The following ANKRD11 variants were observed in gnomAD, a reference collection of about 807,000 sequenced individuals.
ANKRD11 encodes the protein ankyrin repeat domain 11, also known as ankyrin repeat domain-containing protein 11.
In ANKRD11, 17 loss-of-function variants were observed where a neutral mutation model predicts 195.7. The observed-to-expected ratio is 0.09, with a 90% CI of 0.06 to 0.13. The LOEUF (loss-of-function observed/expected upper bound fraction) is 0.13, where lower values mean the gene tolerates loss of function less well. Ranked by LOEUF, ANKRD11 falls within the 10% of genes least tolerant of loss-of-function variation. The pLI is 1.00. For missense variants in ANKRD11, 3,735 were observed against 3,566.1 expected, an observed-to-expected ratio of 1.05 and a Z score of -1.21; for synonymous variants, 1,953 against 1,528.1, an observed-to-expected ratio of 1.28 and a Z score of -6.49.
intron 2 of ANKRD11, among the ~76,000 whole-genome samples, chr16:89,406,627 G>A (rs1182343943): frequency 5.3e-5 from 8 of 152,206 alleles, no homozygotes; most frequent in Admixed American, 6.5e-5. Context: ...AAGGCCCAGG[G>A]CAGGACATCA....
At chr16:89,469,766 G>A (rs961807961) in intron 1 of ANKRD11, among the ~76,000 whole-genome samples, 5 of 149,472 alleles carry the variant, frequency 3.3e-5, no homozygotes, top group African/African-American at 1.2e-4. Flanking sequence ...GGGCGTGGTG[G>A]CGGGCGCCTG....
chr16:89,480,545 T>C (rs1021582841), intron 1 of ANKRD11, among the ~76,000 whole-genome samples: 6 of 152,296 alleles, frequency 3.9e-5, no homozygotes, highest in African/African-American at 1.2e-4. Context: ...TATCTATTAA[T>C]ATGTGCATAG....
At chr16:89,458,408 T>G (rs945085418) in intron 1 of ANKRD11, among the ~76,000 whole-genome samples, 4 of 152,074 alleles carry the variant, frequency 2.6e-5, no homozygotes, top group African/African-American at 9.7e-5. Context: ...GTATTTTTAG[T>G]AGAGACGGGG....
intron 4 of ANKRD11, among the ~76,000 whole-genome samples, chr16:89,294,810 G>C (rs143624959): frequency 2.8e-4 from 42 of 152,320 alleles, no homozygotes; most frequent in African/African-American, 9.4e-4. Context: ...GGATGACCTG[G>C]AGCCGTGTGC....
intron 2 of ANKRD11, among the ~76,000 whole-genome samples, chr16:89,333,057 G>A (rs1004053895): frequency 3.3e-5 from 5 of 152,116 alleles, no homozygotes; most frequent in African/African-American, 1.2e-4. Context: ...AGGGAAGAAG[G>A]GCCCCTGTGG....
rs1491146412 is a variant in ANKRD11, at chr16:89,415,830, A to AAAAAAAAAAAAAAAAAAAAAAAAAC, written c.-60+2453_-60+2454insGTTTTTTTTTTTTTTTTTTTTTTTT. ...GCACAACAAAGCTAGACTCTGTCTCAAAAAAAAAAAAAAAAAAAAACAATG... is the reference window on the plus strand; with the variant it reads ...GCACAACAAAGCTAGACTCTGTCTCAAAAAAAAAAAAAAAAAAAAAAAAACAAAAAAAAAAAAAAAAAAAACAATG... On this transcript the variant is annotated intron_variant, in intron 2 of 12. Coordinates refer to ENST00000301030, the MANE Select transcript of ANKRD11 (RefSeq NM_013275.6). Among the ~76,000 whole-genome samples the AAAAAAAAAAAAAAAAAAAAAAAAAC allele has an allele frequency of 2.2e-5, 2 of 92,110 alleles. 1 individual carries two copies. Among genetic ancestry groups the AAAAAAAAAAAAAAAAAAAAAAAAAC allele is most frequent in the Non-Finnish European group, 4.3e-5 (2 of 47,010 alleles). 60.4% of individuals were successfully genotyped at this position (92,110 alleles called of 152,430 possible). A position where few individuals can be genotyped will look rare whatever the true frequency, so the allele number is the denominator to read the frequency against.
chr16:89,384,886 T>C (rs1056206287), intron 2 of ANKRD11, among the ~76,000 whole-genome samples: 2 of 113,988 alleles, frequency 1.8e-5, no homozygotes, highest in Non-Finnish European at 3.6e-5. Context: ...TTTCTTTTTT[T>C]TTTTTTTTTT....
chr16:89,357,652 T>G (rs1446942753), intron 2 of ANKRD11, among the ~76,000 whole-genome samples: 3 of 152,232 alleles, frequency 2.0e-5, no homozygotes, highest in African/African-American at 7.2e-5. Context: ...AGAATGCGTC[T>G]GCACACAGCA....
At chr16:89,271,241 T>A in intron 11 of ANKRD11, 1 of 227,146 alleles carries the variant, frequency 4.4e-6, no homozygotes. Context: ...GGAGAGACTT[T>A]TTTTTTTTTT....
intron 1 of ANKRD11, among the ~76,000 whole-genome samples, chr16:89,464,186 C>T (rs1036003224): frequency 6.6e-6 from 1 of 151,740 alleles, no homozygotes; most frequent in Non-Finnish European, 1.5e-5. Context: ...CTGTAGCGAG[C>T]GAAGATCGCA....
chr16:89,358,166 T>G (rs937876922), intron 2 of ANKRD11, among the ~76,000 whole-genome samples: 1 of 152,192 alleles, frequency 6.6e-6, no homozygotes, highest in Non-Finnish European at 1.5e-5. Context: ...CACGTGGCTT[T>G]GCTAGAATGC....
intron 2 of ANKRD11, among the ~76,000 whole-genome samples, chr16:89,325,976 C>A (rs2037692189): frequency 1.3e-5 from 2 of 152,206 alleles, no homozygotes. Context: ...GCCCAATACA[C>A]ACTGCAGGGC....
intron 1 of ANKRD11, among the ~76,000 whole-genome samples, chr16:89,475,309 G>C (rs1336020165): frequency 3.9e-5 from 6 of 152,192 alleles, no homozygotes; most frequent in Admixed American, 3.9e-4. Context: ...CCGTGGCCAA[G>C]CTGGGATGTG....
At chr16:89,278,259 T>A (rs886713476) in intron 9 of ANKRD11, 14 of 345,532 alleles carry the variant, frequency 4.1e-5, no homozygotes, top group Non-Finnish European at 1.1e-5. Flanking sequence ...ACGGGTGGGC[T>A]CTGCCTCCCC....
intron 2 of ANKRD11, among the ~76,000 whole-genome samples, chr16:89,333,281 T>A (rs2038161390): frequency 6.6e-6 from 1 of 152,230 alleles, no homozygotes; most frequent in Non-Finnish European, 1.5e-5. Flanking sequence ...AAATTGAGCA[T>A]GAAGTACAGA....
intron 2 of ANKRD11, among the ~76,000 whole-genome samples, chr16:89,319,544 A>T (rs1041436365): frequency 6.6e-6 from 1 of 152,162 alleles, no homozygotes; most frequent in Non-Finnish European, 1.5e-5. Flanking sequence ...CCCTTCCAGG[A>T]CCCTCGTGTC....
chr16:89,278,971 G>C (rs1410228749), intron 9 of ANKRD11, 101 bp downstream of exon 9: 1 of 1,531,178 alleles, frequency 6.5e-7, no homozygotes, highest in South Asian at 1.2e-5. Flanking sequence ...AGAGGTCAAG[G>C]GCCATGAGTG....
rs556418374 is a variant in ANKRD11, at chr16:89,398,445, C to A, written c.-60+19839G>T. Among the ~76,000 whole-genome samples, 5 of 136,972 alleles carry A rather than the reference C, an allele frequency of 3.7e-5. No homozygotes were observed. The South Asian group carries it at 1.1e-3, about 32-fold the overall frequency. The allele number at this position is 136,972 out of a possible 152,430, so 89.9% of individuals were successfully genotyped here. A position where few individuals can be genotyped will look rare whatever the true frequency, so the allele number is the denominator to read the frequency against. On this transcript the variant is annotated intron_variant, in intron 2 of 12. Coordinates refer to ENST00000301030, the MANE Select transcript of ANKRD11 (RefSeq NM_013275.6). ...GGCTGACAAGAGGGACACTGTGAAA[C>A]AGCTGAAGATTACCTGTAACCTCAG...
At chr16:89,297,760 G>C (rs1000999431) in intron 4 of ANKRD11, 3 of 152,268 alleles carry the variant, frequency 2.0e-5, no homozygotes, top group African/African-American at 7.2e-5. Flanking sequence ...GGTGAGACTG[G>C]CTTCTCCTTC....
Sources: gnomAD v4.1 joint callset for allele counts (sites outside exome capture counted in the v4.1 genomes callset) on GRCh38, gnomAD v4.1.1 for gene constraint, MANE v1.5 for transcripts, NCBI Gene and HGNC (gene_info 2026-07-23, HGNC 2026-07-21) for gene names.